Variants in ZFHX3 observed in about 807,000 individuals in gnomAD.
ZFHX3 encodes the protein zinc finger homeobox 3, also known as zinc finger homeobox protein 3.
In ZFHX3, 42 loss-of-function variants were observed where a neutral mutation model predicts 279.1. The observed-to-expected ratio is 0.15, with a 90% CI of 0.12 to 0.19. The LOEUF is 0.19. ZFHX3 is among the 10% of genes least tolerant of loss of function. The pLI, the probability that ZFHX3 is intolerant of heterozygous loss-of-function variation, is 1.00. For synonymous variants in ZFHX3, 2,293 were observed against 1,957.8 expected (o/e 1.17, Z -4.52); for missense variants, 4,981 against 4,754.0 (o/e 1.05, Z -1.40).
chr16:72,847,326 T>G (rs2037505762), intron 4 of ZFHX3, among the ~76,000 whole-genome samples: 1 of 152,160 alleles, frequency 6.6e-6, no homozygotes. Flanking sequence ...CTCCCCCTAG[T>G]GACACGCAGA....
chr16:73,838,257 TA>T (rs1567426375), intron 1 of ZFHX3, among the ~76,000 whole-genome samples: 1 of 152,216 alleles, frequency 6.6e-6, no homozygotes, highest in East Asian at 1.9e-4. Flanking sequence ...GCCAGAGCTG[TA>T]GCCAACATAT....
intron 1 of ZFHX3, among the ~76,000 whole-genome samples, chr16:73,792,652 G>A (rs996830662): frequency 6.6e-6 from 1 of 152,168 alleles, no homozygotes; most frequent in African/African-American, 2.4e-5. Context: ...GGACCTAAGG[G>A]CTGATTTACA....
intron 4 of ZFHX3, among the ~76,000 whole-genome samples, chr16:72,881,868 C>T (rs560329027): frequency 6.6e-5 from 10 of 152,322 alleles, no homozygotes; most frequent in Non-Finnish European, 1.2e-4. Flanking sequence ...GACTGGCTAG[C>T]TATCCATATT....
At chr16:73,016,829 C>T (rs1323838080) in intron 1 of ZFHX3, among the ~76,000 whole-genome samples, 2 of 152,022 alleles carry the variant, frequency 1.3e-5, no homozygotes, top group Non-Finnish European at 2.9e-5. Context: ...GCAGAATCTC[C>T]CCATTACAGC....
intron 3 of ZFHX3, among the ~76,000 whole-genome samples, chr16:72,924,359 C>G (rs566490809): frequency 6.6e-6 from 1 of 152,156 alleles, no homozygotes; most frequent in Admixed American, 6.5e-5. Context: ...CCTACAAGGA[C>G]GGTCACTGAC....
chr16:72,885,613 A>G (rs1042793051), intron 4 of ZFHX3, among the ~76,000 whole-genome samples: 1 of 152,090 alleles, frequency 6.6e-6, no homozygotes, highest in African/African-American at 2.4e-5. Context: ...TGCAGAGTTC[A>G]CCCCTCCTGC....
At chr16:73,578,834 T>A (rs2051827515) in intron 2 of ZFHX3, among the ~76,000 whole-genome samples, 1 of 152,226 alleles carries the variant, frequency 6.6e-6, no homozygotes, top group Non-Finnish European at 1.5e-5. Flanking sequence ...TGCTTCACTC[T>A]TTGCTTTATA....
At chr16:73,678,189 T>C (rs1597061379) in intron 2 of ZFHX3, among the ~76,000 whole-genome samples, 1 of 152,126 alleles carries the variant, frequency 6.6e-6, no homozygotes, top group Non-Finnish European at 1.5e-5. Context: ...AATGTTCATT[T>C]TTCGATAACA....
At chr16:73,508,909 A>G (rs1474521757) in intron 2 of ZFHX3, among the ~76,000 whole-genome samples, 1 of 152,202 alleles carries the variant, frequency 6.6e-6, no homozygotes, top group Non-Finnish European at 1.5e-5. Flanking sequence ...CAATCTCAGG[A>G]AAAAGATATC....
intron 3 of ZFHX3, among the ~76,000 whole-genome samples, chr16:73,361,396 G>A (rs572820426): frequency 4.6e-5 from 7 of 152,390 alleles, no homozygotes; most frequent in Admixed American, 2.6e-4. Flanking sequence ...GAGAGAAAAC[G>A]TGGAGAGGGA....
intron 1 of ZFHX3, among the ~76,000 whole-genome samples, chr16:73,800,694 A>G (rs907631385): frequency 4.6e-5 from 7 of 152,010 alleles, no homozygotes; most frequent in Non-Finnish European, 1.0e-4. Context: ...TTGGTTTCTG[A>G]GTCTGACAGC....
chr16:73,110,273 A>G (rs758962669), intron 7 of ZFHX3, among the ~76,000 whole-genome samples: 7 of 152,086 alleles, frequency 4.6e-5, no homozygotes, highest in Non-Finnish European at 8.8e-5. Context: ...TTTCTCATGT[A>G]CTTGTGCAAG....
chr16:73,449,907 A>T (rs906733149), intron 3 of ZFHX3, among the ~76,000 whole-genome samples: 10 of 152,128 alleles, frequency 6.6e-5, no homozygotes, highest in Admixed American at 5.2e-4. Flanking sequence ...TCTTCTGAGG[A>T]TCAGAAATGC....
intron 2 of ZFHX3, among the ~76,000 whole-genome samples, chr16:73,674,978 C>T (rs1352180719): frequency 6.6e-6 from 1 of 152,080 alleles, no homozygotes; most frequent in African/African-American, 2.4e-5. Flanking sequence ...CTGTTATAAG[C>T]TGCTACATTT....
At chr16:73,057,017 C>T (rs1163187861) in intron 1 of ZFHX3, among the ~76,000 whole-genome samples, 1 of 152,162 alleles carries the variant, frequency 6.6e-6, no homozygotes, top group Non-Finnish European at 1.5e-5. Context: ...CTGTCATATT[C>T]TTCAAAGGTA....
Position 73,858,530 on chromosome 16 carries a change from A to G in ZFHX3, c.-1608+33121T>C, listed in dbSNP as rs59767968. Among the ~76,000 whole-genome samples, 1,187 of 152,344 alleles carry G rather than the reference A, an allele frequency of 7.8e-3. 24 individuals carry two copies. Among genetic ancestry groups the G allele is most frequent in the African/African-American group, 0.028 (1,148 of 41,578 alleles). ...CACACTATATTTTAGGGCCTTGCAT[A>G]GCATTATTATGCCTTCATGAAATAT... is the stretch of plus-strand genomic sequence containing the variant. On this transcript the variant is annotated intron_variant, in intron 1 of 17. Transcript: ENST00000641206.
intron 6 of ZFHX3, among the ~76,000 whole-genome samples, chr16:73,139,231 T>C (rs539544369): frequency 6.6e-6 from 1 of 152,326 alleles, no homozygotes; most frequent in South Asian, 2.1e-4. Context: ...GTCATTGCAA[T>C]GAAACTATGA....
chr16:73,597,298 G>T (rs1404571047), intron 2 of ZFHX3, among the ~76,000 whole-genome samples: 1 of 152,012 alleles, frequency 6.6e-6, no homozygotes. Context: ...ATAACATTTG[G>T]TCTGTATATT....
chr16:72,897,392 C>G (rs2038925077), intron 3 of ZFHX3, among the ~76,000 whole-genome samples: 1 of 152,192 alleles, frequency 6.6e-6, no homozygotes. Flanking sequence ...CATTCACCAT[C>G]ATATGCATGC....
Sources: gnomAD v4.1 joint callset for allele counts (sites outside exome capture counted in the v4.1 genomes callset) on GRCh38, gnomAD v4.1.1 for gene constraint, MANE v1.5 for transcripts, NCBI Gene and HGNC (gene_info 2026-07-23, HGNC 2026-07-21) for gene names.